METAP1: variants seen among roughly 807,000 people sequenced by gnomAD.
METAP1 encodes the protein methionine aminopeptidase 1.
METAP1 carries 28 observed loss-of-function variants against 53.8 expected under a neutral mutation model. The ratio of observed to expected loss-of-function variants is 0.52; its 90% confidence interval spans 0.39 to 0.71. The LOEUF (loss-of-function observed/expected upper bound fraction) is 0.71, where lower values mean the gene tolerates loss of function less well. Ranked by LOEUF, METAP1 falls within the 30% of genes least tolerant of loss-of-function variation. METAP1 has a pLI of 0.00. For missense variants in METAP1, 389 were observed against 479.8 expected (o/e 0.81, Z 1.77); for synonymous variants, 181 against 165.7 (o/e 1.09, Z -0.71).
Position 99,061,374 on chromosome 4 carries a change from G to A in METAP1, c.*57G>A. 2.7e-6 allele frequency: 4 copies of A among 1,484,812 alleles called. No individual in the cohort carries two copies. Among genetic ancestry groups the A allele is most frequent in the Non-Finnish European group, 3.6e-6 (4 of 1,096,342 alleles). 92.0% of individuals were successfully genotyped at this position (1,484,812 alleles called of 1,614,324 possible). On this transcript the variant is annotated 3_prime_UTR_variant, in exon 11 of 11. Transcript: ENST00000296411. ...CTTACTGTGCTATGCATTTTATTGA[G>A]AGTACAGAAAGGAAGAGGAACCTTT...
At chr4:99,054,467 A>T (rs1726954263) in intron 9 of METAP1, among the ~76,000 whole-genome samples, 1 of 152,164 alleles carries the variant, frequency 6.6e-6, no homozygotes, top group Non-Finnish European at 1.5e-5. Context: ...CGGTTGTGTG[A>T]TCTATCCAGA....
intron 8 of METAP1, 108 bp downstream of exon 8, chr4:99,045,418 TTCTAC>T: frequency 8.1e-7 from 1 of 1,230,630 alleles, no homozygotes; most frequent in Non-Finnish European, 1.1e-6. Context: ...GTTGCCCCTG[TTCTAC>T]CTGAGTTAGC....
In METAP1 at chr4:99,061,387, A is replaced by G; in HGVS notation, c.*70A>G. On this transcript the variant is annotated 3_prime_UTR_variant, in exon 11 of 11. Transcript: ENST00000296411. The stretch of plus-strand genomic sequence containing the variant: ...GCATTTTATTGAGAGTACAGAAAGG[A>G]AGAGGAACCTTTTTTTAATCACTTG... 3.6e-6 allele frequency: 5 copies of G among 1,385,244 alleles called. No individual in the cohort carries two copies. The highest frequency in any genetic ancestry group is 3.9e-6 in the Non-Finnish European group (4 of 1,023,230). 85.8% of individuals were successfully genotyped at this position (1,385,244 alleles called of 1,614,324 possible). A position where few individuals can be genotyped will look rare whatever the true frequency, so the allele number is the denominator to read the frequency against.
At chr4:99,022,625 GCCTGTGTGC>G (rs1279562657) in intron 1 of METAP1, 2 of 779,848 alleles carry the variant, frequency 2.6e-6, no homozygotes, top group Admixed American at 2.2e-5. Flanking sequence ...CTCAGGTGCT[GCCTGTGTGC>G]ACACCTGGCG....
intron 10 of METAP1, among the ~76,000 whole-genome samples, chr4:99,058,935 A>G (rs1727339928): frequency 6.6e-6 from 1 of 152,246 alleles, no homozygotes; most frequent in Non-Finnish European, 1.5e-5. Flanking sequence ...AAGACTGCAC[A>G]AATGTGCAGT....
At chr4:99,055,350 C>A (rs1337109733) in intron 9 of METAP1, among the ~76,000 whole-genome samples, 2 of 150,044 alleles carry the variant, frequency 1.3e-5, no homozygotes, top group Non-Finnish European at 3.0e-5. Context: ...GAGATCGTGC[C>A]ACTGCACTCC....
intron 2 of METAP1, among the ~76,000 whole-genome samples, chr4:99,031,989 G>A (rs1194215991): frequency 1.3e-5 from 2 of 152,176 alleles, no homozygotes; most frequent in Admixed American, 1.3e-4. Context: ...TTATGCAGTT[G>A]TGCTACCATC....
intron 1 of METAP1, among the ~76,000 whole-genome samples, chr4:99,016,141 A>G (rs1723752864): frequency 6.6e-6 from 1 of 152,152 alleles, no homozygotes; most frequent in Non-Finnish European, 1.5e-5. Flanking sequence ...GTGCTAAAAG[A>G]CCTTTGGTTT....
At chr4:99,052,004 GGCA>G (rs1188335399) in intron 9 of METAP1, among the ~76,000 whole-genome samples, 1 of 152,128 alleles carries the variant, frequency 6.6e-6, no homozygotes, top group Non-Finnish European at 1.5e-5. Context: ...AAACTGTACA[GGCA>G]TACCTCAGAG....
In METAP1 at chr4:99,039,500, G is replaced by A. The variant is rs768384254; in HGVS notation, c.432+35G>A. On this transcript the variant is annotated intron_variant, in intron 5 of 10. Coordinates refer to ENST00000296411, the MANE Select transcript of METAP1 (RefSeq NM_015143.3). ...ATTTTTTCTCCATGGGGTAGGAAAT[G>A]TTTAAGCAGTACTTAGACATGAAGT... 2.2e-5 allele frequency: 28 copies of A among 1,263,874 alleles called. No individual in the cohort carries two copies. The Admixed American group carries it at 4.9e-4, about 22-fold the overall frequency. The allele number at this position is 1,263,874 out of a possible 1,614,324, so 78.3% of individuals were successfully genotyped here.
rs548296052 is a variant in METAP1 at position 99,046,432 on chromosome 4, C to T, written c.787+1122C>T. On this transcript the variant is annotated intron_variant, in intron 8 of 10. Coordinates refer to ENST00000296411, the MANE Select transcript of METAP1 (RefSeq NM_015143.3). ...AAAAGAAAAAAAAGAAAGGAAAGTT[C>T]TTAACAGCATCTTGTTGGAGTTGTT... is the stretch of plus-strand genomic sequence containing the variant. Among the ~76,000 whole-genome samples, 9 of 152,174 alleles carry T rather than the reference C, an allele frequency of 5.9e-5. No individual in the cohort carries two copies. The South Asian group carries it at 1.9e-3, about 32-fold the overall frequency.
At chr4:99,011,151 C>T (rs1365326324) in intron 1 of METAP1, among the ~76,000 whole-genome samples, 1 of 151,546 alleles carries the variant, frequency 6.6e-6, no homozygotes, top group Non-Finnish European at 1.5e-5. Context: ...CCTTTTATTT[C>T]TTTTTCTTGC....
intron 9 of METAP1, among the ~76,000 whole-genome samples, chr4:99,049,442 G>T (rs1350477348): frequency 1.3e-5 from 2 of 152,108 alleles, no homozygotes; most frequent in Non-Finnish European, 2.9e-5. Flanking sequence ...GTCTTGCTTG[G>T]TTTGAGTGTT....
intron 1 of METAP1, among the ~76,000 whole-genome samples, chr4:99,000,655 C>CT (rs781035164): frequency 0.031 from 3,470 of 112,642 alleles, 89 homozygotes; most frequent in African/African-American, 0.073. Context: ...GGAAGAAAGT[C>CT]TTTTTTTTTT....
intron 1 of METAP1, among the ~76,000 whole-genome samples, chr4:99,020,548 G>A (rs1724046135): frequency 1.3e-5 from 2 of 152,256 alleles, no homozygotes; most frequent in South Asian, 4.1e-4. Flanking sequence ...TGCCTGAGGA[G>A]GAGGAGGCGG....
At chr4:99,000,698 C>T (rs1579230483) in intron 1 of METAP1, among the ~76,000 whole-genome samples, 2 of 126,680 alleles carry the variant, frequency 1.6e-5, no homozygotes, top group African/African-American at 3.0e-5. Flanking sequence ...TTTTTCTTCT[C>T]TCTCTCTCTT....
chr4:99,021,750 AAT>A (rs1219865995), intron 1 of METAP1, among the ~76,000 whole-genome samples: 1 of 152,172 alleles, frequency 6.6e-6, no homozygotes, highest in African/African-American at 2.4e-5. Flanking sequence ...TGGGTTGGGT[AAT>A]AATTTAAAAC....
At position 99,043,378 on chromosome 4, in the gene METAP1, A is replaced by T. The variant is rs1211464681; in HGVS notation, c.646A>T (p.Ile216Phe). 1 of 1,595,192 alleles carries T rather than the reference A, an allele frequency of 6.3e-7. No individual in the cohort carries two copies. Among genetic ancestry groups the T allele is most frequent in the African/African-American group, 1.3e-5 (1 of 74,636 alleles). ...CAGAAGGCCCTTACAAGAAGGTGAC[A>T]TTGTTAATGGTAAGAAAAATATGTT... ...PDRRPLQEGD[I>F]VNVDITLYRN... is the part of the protein sequence containing the mutation. The change falls in exon 7 of 11, where the codon ATT becomes TTT. Residue 216 changes from isoleucine (I) to phenylalanine (F), a missense_variant. By Grantham distance (21) the Ile-to-Phe change is conservative. Coordinates refer to ENST00000296411, the MANE Select transcript of METAP1 (RefSeq NM_015143.3).
At chr4:99,054,069 C>G (rs1005425422) in intron 9 of METAP1, among the ~76,000 whole-genome samples, 1 of 151,238 alleles carries the variant, frequency 6.6e-6, no homozygotes, top group Non-Finnish European at 1.5e-5. Flanking sequence ...CTTAAAGTCA[C>G]AAGCTGCAGG....
Sources: allele counts gnomAD v4.1 joint callset (sites outside exome capture counted in the v4.1 genomes callset), GRCh38; gene constraint gnomAD v4.1.1; transcripts MANE v1.5; gene names NCBI Gene and HGNC (gene_info 2026-07-23, HGNC 2026-07-21).